IL1RAPL2: variants seen among roughly 807,000 people sequenced by gnomAD.
The protein encoded by IL1RAPL2 is X-linked interleukin-1 receptor accessory protein-like 2.
A neutral mutation model predicts 44.1 loss-of-function variants in IL1RAPL2; 3 were observed. That is an observed-to-expected ratio of 0.07 (90% CI 0.03 to 0.18). The LOEUF (loss-of-function observed/expected upper bound fraction) is 0.18. Ranked by LOEUF, IL1RAPL2 falls within the 10% of genes least tolerant of loss-of-function variation. IL1RAPL2 has a pLI of 1.00. For missense variants in IL1RAPL2, 391 were observed against 496.4 expected (o/e 0.79, Z 2.02); for synonymous variants, 181 against 178.8 (o/e 1.01, Z -0.10).
At chrX:105,523,173 T>C (rs920287919) in intron 6 of IL1RAPL2, among the ~76,000 whole-genome samples, 1 of 111,782 alleles carries the variant, frequency 8.9e-6, no homozygotes, top group African/African-American at 3.2e-5. Context: ...AGTATCTAGA[T>C]GATTGTGGAT....
chrX:104,823,103 ATTTT>A (rs370935873), intron 2 of IL1RAPL2, among the ~76,000 whole-genome samples: 1 of 107,836 alleles, frequency 9.3e-6, no homozygotes, highest in Non-Finnish European at 1.9e-5. Flanking sequence ...TTGCACATTG[ATTTT>A]TTTTTTATTA....
In IL1RAPL2 at chrX:105,181,526, T is replaced by C. The variant is rs1210212961; in HGVS notation, c.83-13949T>C. ...TGGTATGTTGTCTTTTCATTTTTAT[T>C]TGTTTCAAGAAATTTTTTATTTCCT... On this transcript the variant is annotated intron_variant, in intron 2 of 10. Transcript: ENST00000372582. Among the ~76,000 whole-genome samples, 10 of 111,861 alleles carry C rather than the reference T, an allele frequency of 8.9e-5. No homozygotes were observed. The Admixed American group carries it at 9.5e-4, about 11-fold the overall frequency.
intron 2 of IL1RAPL2, among the ~76,000 whole-genome samples, chrX:105,181,493 G>A (rs149224280): frequency 9.2e-4 from 102 of 111,098 alleles, no homozygotes; most frequent in African/African-American, 3.1e-3. Flanking sequence ...GCTGTATCCC[G>A]TAGGTTTTGG....
chrX:105,012,684 G>C (rs1181105563), intron 2 of IL1RAPL2, among the ~76,000 whole-genome samples: 1 of 104,496 alleles, frequency 9.6e-6, no homozygotes, highest in African/African-American at 3.7e-5. Context: ...CAGAGAGAGA[G>C]AGAGAGAATA....
intron 5 of IL1RAPL2, among the ~76,000 whole-genome samples, chrX:105,404,140 A>G (rs908495749): frequency 8.9e-6 from 1 of 111,768 alleles, no homozygotes; most frequent in African/African-American, 3.3e-5. Flanking sequence ...TTTAGAAGAT[A>G]AATAGAGCAG....
chrX:105,659,168 A>C (rs1414421085), intron 6 of IL1RAPL2, among the ~76,000 whole-genome samples: 1 of 109,956 alleles, frequency 9.1e-6, no homozygotes. Flanking sequence ...GCAACAACAA[A>C]AAACCACCAA....
chrX:105,506,297 T>TGA (rs1346623430), intron 6 of IL1RAPL2, among the ~76,000 whole-genome samples: 1 of 111,587 alleles, frequency 9.0e-6, no homozygotes, highest in African/African-American at 3.3e-5. Context: ...GTGGTTCTCT[T>TGA]GCTGCACATG....
intron 2 of IL1RAPL2, among the ~76,000 whole-genome samples, chrX:105,127,857 T>G (rs1022604329): frequency 9.0e-6 from 1 of 111,108 alleles, no homozygotes; most frequent in Non-Finnish European, 1.9e-5. Context: ...AAAAAATTTT[T>G]ATTGAGAATT....
chrX:105,237,530 T>C (rs975138077), intron 4 of IL1RAPL2, among the ~76,000 whole-genome samples: 5 of 111,870 alleles, frequency 4.5e-5, no homozygotes, highest in South Asian at 3.7e-4. Context: ...TTTTAATGAT[T>C]GCCATTCTAA....
At chrX:104,962,529 T>C (rs2030028741) in intron 2 of IL1RAPL2, among the ~76,000 whole-genome samples, 1 of 112,121 alleles carries the variant, frequency 8.9e-6, no homozygotes, top group Admixed American at 9.4e-5. Flanking sequence ...GTGCGTAGCC[T>C]ATGCTACACA....
At chrX:104,852,495 C>T (rs913644929) in intron 2 of IL1RAPL2, among the ~76,000 whole-genome samples, 1 of 111,999 alleles carries the variant, frequency 8.9e-6, no homozygotes, top group African/African-American at 3.2e-5. Flanking sequence ...CCTTTATAGC[C>T]TCCTCCAGTT....
intron 6 of IL1RAPL2, among the ~76,000 whole-genome samples, chrX:105,510,586 T>G (rs926641033): frequency 1.8e-5 from 2 of 111,782 alleles, no homozygotes; most frequent in Non-Finnish European, 3.8e-5. Context: ...AAAGGTGAAT[T>G]AACATTGCAG....
At chrX:104,749,035 A>G (rs1405648991) in intron 2 of IL1RAPL2, among the ~76,000 whole-genome samples, 1 of 111,024 alleles carries the variant, frequency 9.0e-6, no homozygotes, top group Non-Finnish European at 1.9e-5. Flanking sequence ...ACCAAAATAA[A>G]TTCATCAATC....
intron 5 of IL1RAPL2, among the ~76,000 whole-genome samples, chrX:105,417,169 T>A (rs1029356386): frequency 1.3e-4 from 15 of 112,337 alleles, no homozygotes; most frequent in African/African-American, 4.9e-4. Context: ...GAAATTAGAT[T>A]TGTATAAGAT....
At chrX:104,947,954 A>G (rs1925437834) in intron 2 of IL1RAPL2, among the ~76,000 whole-genome samples, 1 of 111,678 alleles carries the variant, frequency 9.0e-6, no homozygotes, top group Admixed American at 9.5e-5. Context: ...TTCTGTGAAG[A>G]AAGTCATTGG....
At chrX:105,521,073 T>A (rs2036553600) in intron 6 of IL1RAPL2, among the ~76,000 whole-genome samples, 1 of 105,243 alleles carries the variant, frequency 9.5e-6, no homozygotes, top group Non-Finnish European at 1.9e-5. Context: ...TAGCTGGGAC[T>A]ACAGGCGCCT....
At chrX:104,705,441 A>G (rs1479783700) in intron 2 of IL1RAPL2, among the ~76,000 whole-genome samples, 1 of 111,414 alleles carries the variant, frequency 9.0e-6, no homozygotes, top group East Asian at 2.8e-4. Flanking sequence ...GAGGGAGGAA[A>G]GCTGTAGTAA....
intron 6 of IL1RAPL2, among the ~76,000 whole-genome samples, chrX:105,523,575 A>G (rs754149303): frequency 5.4e-5 from 6 of 111,521 alleles, no homozygotes; most frequent in South Asian, 7.5e-4. Context: ...AAATTGTTTC[A>G]TCCATCCCAT....
intron 6 of IL1RAPL2, among the ~76,000 whole-genome samples, chrX:105,642,813 AT>A (rs2037578312): frequency 8.9e-6 from 1 of 112,459 alleles, no homozygotes; most frequent in Non-Finnish European, 1.9e-5. Flanking sequence ...TCACACAACT[AT>A]TCGTAGCTGA....
Sources: allele counts gnomAD v4.1 joint callset (sites outside exome capture counted in the v4.1 genomes callset), GRCh38; gene constraint gnomAD v4.1.1; transcripts MANE v1.5; gene names NCBI Gene and HGNC (gene_info 2026-07-23, HGNC 2026-07-21).